The following ZFPM2 variants were observed in gnomAD, a reference collection of about 807,000 sequenced individuals.
ZFPM2 encodes zinc finger protein ZFPM2.
ZFPM2 carries 20 observed loss-of-function variants against 98.6 expected under a neutral mutation model. The observed-to-expected ratio is 0.20, with a 90% CI of 0.14 to 0.29. ZFPM2 has a LOEUF of 0.29. Among genes scored for constraint, ZFPM2 ranks in the 10% least tolerant of loss-of-function variants. The pLI is 1.00. For synonymous variants in ZFPM2, 518 were observed against 502.7 expected (o/e 1.03, Z -0.41); for missense variants, 1,310 against 1,388.6 (o/e 0.94, Z 0.90).
chr8:105,394,673 G>T (rs1292105989), intron 1 of ZFPM2, among the ~76,000 whole-genome samples: 1 of 152,192 alleles, frequency 6.6e-6, no homozygotes, highest in Non-Finnish European at 1.5e-5. Flanking sequence ...GCGGCTTCGA[G>T]TGTGGGCTCT....
chr8:105,549,790 T>A (rs910460611), intron 3 of ZFPM2, among the ~76,000 whole-genome samples: 2 of 151,814 alleles, frequency 1.3e-5, no homozygotes, highest in African/African-American at 4.8e-5. Context: ...TTTTTGTATT[T>A]TTTTTGTAGA....
At position 105,367,027 on chromosome 8, in the gene ZFPM2, A is replaced by G. The variant is rs1033888916; in HGVS notation, c.40+48046A>G. ...TTTTGTCAGGTTTGTCAAAGATCAG[A>G]TAGTTGTAGGTATGTGGCGTTATTT... is the stretch of plus-strand genomic sequence containing the variant. On this transcript the variant is annotated intron_variant, in intron 1 of 7. Coordinates refer to ENST00000407775, the MANE Select transcript of ZFPM2 (RefSeq NM_012082.4). Among the ~76,000 whole-genome samples the G allele has an allele frequency of 2.0e-4, 27 of 138,036 alleles. 2 individuals carry two copies. Among genetic ancestry groups the G allele is most frequent in the Admixed American group, 1.9e-3 (26 of 13,930 alleles). The allele number at this position is 138,036 out of a possible 152,430, so 90.6% of individuals were successfully genotyped here. A position where few individuals can be genotyped will look rare whatever the true frequency, so the allele number is the denominator to read the frequency against.
intron 1 of ZFPM2, among the ~76,000 whole-genome samples, chr8:105,354,335 A>G (rs1586311884): frequency 6.6e-6 from 1 of 152,254 alleles, no homozygotes; most frequent in East Asian, 1.9e-4. Flanking sequence ...CCCACAAGCT[A>G]ATCTTTACAG....
chr8:105,800,286 G>C (rs1420510688), intron 7 of ZFPM2, among the ~76,000 whole-genome samples: 1 of 152,018 alleles, frequency 6.6e-6, no homozygotes, highest in East Asian at 1.9e-4. Context: ...TGACCAATGG[G>C]AGCTAGAGTC....
At chr8:105,607,572 C>T (rs754007323) in intron 4 of ZFPM2, among the ~76,000 whole-genome samples, 2 of 151,972 alleles carry the variant, frequency 1.3e-5, no homozygotes, top group Non-Finnish European at 2.9e-5. Context: ...AGTATAACTC[C>T]AAAGAGTTAA....
chr8:105,680,307 G>C (rs1810573606), intron 5 of ZFPM2, among the ~76,000 whole-genome samples: 1 of 152,088 alleles, frequency 6.6e-6, no homozygotes, highest in Middle Eastern at 3.2e-3. Flanking sequence ...TACTGGCCTT[G>C]CTTATTTTAA....
chr8:105,335,515 A>G (rs1432958139), intron 1 of ZFPM2, among the ~76,000 whole-genome samples: 1 of 151,748 alleles, frequency 6.6e-6, no homozygotes, highest in Admixed American at 6.6e-5. Flanking sequence ...CTCTTGTGGT[A>G]TGTCTTGCCA....
In ZFPM2 at chr8:105,380,377, A is replaced by G. The variant is rs1810822791; in HGVS notation, c.41-38767A>G. 3.3e-5 allele frequency among the ~76,000 whole-genome samples: 5 copies of G among 150,958 alleles called. No individual in the cohort carries two copies. In the South Asian group the frequency reaches 1.0e-3, roughly 31 times the overall value. On this transcript the variant is annotated intron_variant, in intron 1 of 7. Transcript: ENST00000407775. ...TCATTTTTTATATGTTAAGAAAGAAAGAGAAAGGCAGGTGCTGATATTTGG... is the reference window on the plus strand; with the variant it reads ...TCATTTTTTATATGTTAAGAAAGAAGGAGAAAGGCAGGTGCTGATATTTGG...
At chr8:105,648,208 C>T (rs1350753299) in intron 5 of ZFPM2, among the ~76,000 whole-genome samples, 2 of 152,064 alleles carry the variant, frequency 1.3e-5, no homozygotes, top group Non-Finnish European at 1.5e-5. Context: ...GTCCTTTGCC[C>T]ACTTTTTGAT....
chr8:105,392,687 T>C (rs1409077971), intron 1 of ZFPM2, among the ~76,000 whole-genome samples: 1 of 152,184 alleles, frequency 6.6e-6, no homozygotes, highest in African/African-American at 2.4e-5. Flanking sequence ...TCGAAACTAC[T>C]TTACTATAAT....
intron 5 of ZFPM2, among the ~76,000 whole-genome samples, chr8:105,778,554 G>T (rs2131104969): frequency 6.6e-6 from 1 of 152,036 alleles, no homozygotes; most frequent in South Asian, 2.1e-4. Context: ...CCAGAGAATG[G>T]CTTTAATTTT....
intron 5 of ZFPM2, among the ~76,000 whole-genome samples, chr8:105,691,858 A>G (rs1392690883): frequency 1.3e-5 from 2 of 152,230 alleles, no homozygotes; most frequent in African/African-American, 4.8e-5. Context: ...AGTTTATCTC[A>G]TACAACTCTT....
chr8:105,380,704 A>ATT (rs1491197120), intron 1 of ZFPM2, among the ~76,000 whole-genome samples: 2,746 of 19,420 alleles, frequency 0.14, 458 homozygotes, highest in Non-Finnish European at 0.17. Context: ...TAACATATAT[A>ATT]ATATATATAT....
chr8:105,340,366 CTTAT>C (rs1306037414), intron 1 of ZFPM2, among the ~76,000 whole-genome samples: 2 of 151,812 alleles, frequency 1.3e-5, no homozygotes, highest in African/African-American at 2.4e-5. Flanking sequence ...ACAAAAATGC[CTTAT>C]TTATTTAGGA....
intron 3 of ZFPM2, among the ~76,000 whole-genome samples, chr8:105,522,798 T>C (rs1336550265): frequency 6.6e-6 from 1 of 152,190 alleles, no homozygotes; most frequent in Non-Finnish European, 1.5e-5. Flanking sequence ...GATATTGTTA[T>C]TTCAGTTTGA....
At chr8:105,794,016 G>A (rs936004736) in intron 6 of ZFPM2, among the ~76,000 whole-genome samples, 4 of 152,016 alleles carry the variant, frequency 2.6e-5, no homozygotes, top group Admixed American at 2.6e-4. Context: ...TTTGCCTTTG[G>A]TTTTAATTTC....
At chr8:105,511,583 G>C (rs1813818540) in intron 3 of ZFPM2, among the ~76,000 whole-genome samples, 1 of 152,136 alleles carries the variant, frequency 6.6e-6, no homozygotes, top group Non-Finnish European at 1.5e-5. Flanking sequence ...GACACTTTCT[G>C]AACTCATCAC....
At chr8:105,683,735 C>T (rs544428602) in intron 5 of ZFPM2, among the ~76,000 whole-genome samples, 18 of 152,054 alleles carry the variant, frequency 1.2e-4, no homozygotes, top group Non-Finnish European at 1.9e-4. Flanking sequence ...TCTAAGAAGC[C>T]GACTCAAATT....
intron 1 of ZFPM2, among the ~76,000 whole-genome samples, chr8:105,407,525 C>T (rs562414895): frequency 6.6e-6 from 1 of 151,962 alleles, no homozygotes; most frequent in South Asian, 2.1e-4. Context: ...TTAAGAGCAA[C>T]ATGAATTAAA....
Sources: gnomAD v4.1 joint callset for allele counts (sites outside exome capture counted in the v4.1 genomes callset) on GRCh38, gnomAD v4.1.1 for gene constraint, MANE v1.5 for transcripts, NCBI Gene and HGNC (gene_info 2026-07-23, HGNC 2026-07-21) for gene names.